Variants in JAG1 observed in about 807,000 individuals in gnomAD.
JAG1 encodes the protein protein jagged-1.
In JAG1, 23 loss-of-function variants were observed where a neutral mutation model predicts 148.7. The observed-to-expected ratio is 0.15, with a 90% CI of 0.11 to 0.22. The LOEUF is 0.22. JAG1 is among the 10% of genes least tolerant of loss of function. JAG1 has a pLI of 1.00. For missense variants in JAG1, 1,054 were observed against 1,611.2 expected (o/e 0.65, Z 5.92); for synonymous variants, 572 against 598.3 (o/e 0.96, Z 0.64).
At position 10,645,678 on chromosome 20, in the gene JAG1, GTGGGCCTC is replaced by G; in HGVS notation, c.2000-217_2000-210del. On this transcript the variant is annotated intron_variant, in intron 15 of 25. Coordinates refer to ENST00000254958, the MANE Select transcript of JAG1 (RefSeq NM_000214.3). The surrounding 1 kb of genome is among the most constrained non-coding windows in gnomAD (Gnocchi z 6.1). ...TGCCACAAGTTAGGCAAGATGTGGG[GTGGGCCTC>G]TGGAAGTCCCATGGAAATGAAAGTA... The G allele has an allele frequency of 1.6e-6, 1 of 631,832 alleles. No homozygotes were observed. The highest frequency in any genetic ancestry group is 2.8e-6 in the Non-Finnish European group (1 of 357,382). 39.1% of individuals were successfully genotyped at this position (631,832 alleles called of 1,614,324 possible). A position where few individuals can be genotyped will look rare whatever the true frequency, so the allele number is the denominator to read the frequency against.
chr20:10,647,279 G>A, intron 13 of JAG1, 176 bp from the exon 14 acceptor site: 1 of 694,552 alleles, frequency 1.4e-6, no homozygotes, highest in South Asian at 1.6e-5. Context: ...GACAGGCAAA[G>A]TTGAGACTCC....
chr20:10,656,498 T>C (rs1232728759), intron 4 of JAG1, 40 bp from the exon 5 acceptor site: 1 of 1,564,784 alleles, frequency 6.4e-7, no homozygotes, highest in South Asian at 1.1e-5. Flanking sequence ...ACACTGCCTG[T>C]TCCTTGCATC....
rs542746078 is a variant in JAG1 at position 10,645,783 on chromosome 20, C to G, written c.1999+188G>C. On this transcript the variant is annotated intron_variant, in intron 15 of 25. Transcript: ENST00000254958. The surrounding 1 kb of genome is among the most constrained non-coding windows in gnomAD (Gnocchi z 6.1). ...ATTCTATAGGTCCTCAGCAGAAGCT[C>G]CTCCCCATAAGCTATCATCAGGACT... is the stretch of plus-strand genomic sequence containing the variant. The G allele has an allele frequency of 3.0e-5, 19 of 637,264 alleles. No individual in the cohort carries two copies. In the Admixed American group the frequency reaches 4.7e-4, roughly 16 times the overall value. The allele number at this position is 637,264 out of a possible 1,614,324, so 39.5% of individuals were successfully genotyped here. A position where few individuals can be genotyped will look rare whatever the true frequency, so the allele number is the denominator to read the frequency against.
intron 2 of JAG1, among the ~76,000 whole-genome samples, chr20:10,668,446 G>A (rs909283952): frequency 6.6e-6 from 1 of 152,234 alleles, no homozygotes; most frequent in African/African-American, 2.4e-5. Context: ...TACCATGGAA[G>A]AATTTGCAGG....
rs2067258697 is a variant in JAG1, at chr20:10,639,936, C to T, written c.3219G>A (p.Leu1073=). 1 of 1,613,998 alleles carries T rather than the reference C, an allele frequency of 6.2e-7. No individual in the cohort carries two copies. The highest frequency in any genetic ancestry group is 1.3e-5 in the African/African-American group (1 of 74,916). ...TCCAAGCCACAGTTAAGACAGAGCT[C>T]AGCAAGGGAACAAGGAAATCTGTAA... ...KNRTDFLVPL[L]SSVLTVAWIC... Residue 1073 remains leucine (L), a synonymous_variant, in exon 26 of 26, where the codon CTG becomes CTA. Coordinates refer to ENST00000254958, the MANE Select transcript of JAG1 (RefSeq NM_000214.3).
intron 5 of JAG1, among the ~76,000 whole-genome samples, chr20:10,655,241 G>A (rs943570437): frequency 6.6e-6 from 1 of 152,210 alleles, no homozygotes; most frequent in Admixed American, 6.5e-5. Flanking sequence ...CTCTTTAAAG[G>A]AGTAGCCTCA....
rs925358988 is a variant in JAG1, at chr20:10,645,722, T to A, written c.1999+249A>T. 1 of 616,886 alleles carries A rather than the reference T, an allele frequency of 1.6e-6. No individual in the cohort carries two copies. The highest frequency in any genetic ancestry group is 1.8e-5 in the African/African-American group (1 of 54,210). 38.2% of individuals were successfully genotyped at this position (616,886 alleles called of 1,614,324 possible). ...ATGGAAATGAAAGTAGAAATATGAC[T>A]TTCCTTGCAAGCAGGAATATTTATT... On this transcript the variant is annotated intron_variant, in intron 15 of 25. Transcript: ENST00000254958. This position sits in a 1 kb window ranked among gnomAD's most constrained non-coding sequence, Gnocchi z 6.1.
At chr20:10,659,274 C>T (rs1429065334) in intron 3 of JAG1, among the ~76,000 whole-genome samples, 1 of 152,216 alleles carries the variant, frequency 6.6e-6, no homozygotes, top group Non-Finnish European at 1.5e-5. Flanking sequence ...TAAGTGATGG[C>T]AAGAGCCCTT....
At chr20:10,671,705 C>G (rs982195616) in intron 2 of JAG1, among the ~76,000 whole-genome samples, 1 of 152,218 alleles carries the variant, frequency 6.6e-6, no homozygotes, top group Non-Finnish European at 1.5e-5. Flanking sequence ...AGGAGCCAGG[C>G]AGAGGGCACA....
chr20:10,663,720 T>C (rs1359757539), intron 3 of JAG1, among the ~76,000 whole-genome samples: 1 of 152,180 alleles, frequency 6.6e-6, no homozygotes, highest in Non-Finnish European at 1.5e-5. Context: ...ATAATCTAGG[T>C]TTCATAATCA....
At chr20:10,669,615 G>A (rs1269094137) in intron 2 of JAG1, among the ~76,000 whole-genome samples, 1 of 126,050 alleles carries the variant, frequency 7.9e-6, no homozygotes, top group Non-Finnish European at 1.6e-5. Context: ...CTTTTAATAG[G>A]ATCAATGGAA....
chr20:10,656,508 C>T lies in JAG1; in HGVS notation c.695-50G>A, dbSNP rs773440389. 75 of 1,512,618 alleles carry T rather than the reference C, an allele frequency of 5.0e-5. No homozygotes were observed. In the Admixed American group the frequency reaches 1.0e-3, roughly 20 times the overall value. 93.7% of individuals were successfully genotyped at this position (1,512,618 alleles called of 1,614,324 possible). ...TCAGCACACTGCCTGTTCCTTGCAT[C>T]GCCCCGGTCATGAGAATGGCCCATT... On this transcript the variant is annotated intron_variant, in intron 4 of 25. Coordinates refer to ENST00000254958, the MANE Select transcript of JAG1 (RefSeq NM_000214.3).
chr20:10,652,740 G>C (rs377000896), intron 5 of JAG1, 142 bp from the exon 6 acceptor site: 1 of 785,808 alleles, frequency 1.3e-6, no homozygotes. Context: ...GCTCATCAGG[G>C]GCTCCGTATA....
intron 2 of JAG1, among the ~76,000 whole-genome samples, chr20:10,669,071 T>C (rs1302219169): frequency 1.3e-5 from 2 of 152,088 alleles, no homozygotes; most frequent in Admixed American, 1.3e-4. Context: ...AAAGATTCCA[T>C]TTTTGGAGCA....
rs1301248668 is a variant in JAG1, at chr20:10,673,411, G to A, written c.81+39C>T. 1.6e-5 allele frequency: 22 copies of A among 1,382,324 alleles called. No homozygotes were observed. The highest frequency in any genetic ancestry group is 3.1e-5 in the African/African-American group (2 of 65,520). 85.6% of individuals were successfully genotyped at this position (1,382,324 alleles called of 1,614,324 possible). On this transcript the variant is annotated intron_variant, in intron 1 of 25. Coordinates refer to ENST00000254958, the MANE Select transcript of JAG1 (RefSeq NM_000214.3). The surrounding 1 kb of genome is among the most constrained non-coding windows in gnomAD (Gnocchi z 4.7). ...GCCCAGGGCGCCGCGAGGGGAGGGAGAGGACGGCTGGGAGGGAGGCCCGGA... is the reference window on the plus strand; with the variant it reads ...GCCCAGGGCGCCGCGAGGGGAGGGAAAGGACGGCTGGGAGGGAGGCCCGGA...
At chr20:10,662,299 C>A (rs1162168157) in intron 3 of JAG1, 1 of 152,174 alleles carries the variant, frequency 6.6e-6, no homozygotes, top group African/African-American at 2.4e-5. Context: ...ATGCAGACAA[C>A]TGTGGGTAGC....
intron 10 of JAG1, 69 bp from the exon 11 acceptor site, chr20:10,649,176 T>C: frequency 9.6e-7 from 1 of 1,046,534 alleles, no homozygotes; most frequent in South Asian, 1.3e-5. Flanking sequence ...TTGAAAAGCC[T>C]TCTCAGCTCA....
rs771839716 is a variant in JAG1, at chr20:10,650,257, C to A, written c.1224G>T (p.Thr408=). The A allele has an allele frequency of 1.2e-6, 2 of 1,610,332 alleles. No individual in the cohort carries two copies. The highest frequency in any genetic ancestry group is 1.7e-6 in the Non-Finnish European group (2 of 1,176,648). The part of the protein sequence containing the change: ...CVCPPQWTGK[T]CQLDANECEA... ...CAGGGATGTTCTTACCTAACTGGCA[C>A]GTTTTCCCAGTCCACTGTGGGGGGC... The change falls in exon 9 of 26, where the codon ACG becomes ACT. Residue 408 remains threonine (T), a synonymous_variant. Coordinates refer to ENST00000254958, the MANE Select transcript of JAG1 (RefSeq NM_000214.3).
At position 10,640,911 on chromosome 20, in the gene JAG1, T is replaced by G; in HGVS notation, c.3071A>C (p.Asp1024Ala). The change falls in exon 25 of 26, where the codon GAT becomes GCT. Residue 1024 changes from aspartate to alanine, a missense_variant. Transcript: ENST00000254958. ...AGTGATTTCCTTGATCGGGTTCCCA[T>G]CATCCCGTATATCTTCAGCAGACTG... ...VAISAEDIRD[D>A]GNPIKEITDK... 6.2e-7 allele frequency: 1 copy of G among 1,614,172 alleles called. No homozygotes were observed. Among genetic ancestry groups the G allele is most frequent in the Non-Finnish European group, 8.5e-7 (1 of 1,180,018 alleles).
Sources: allele counts gnomAD v4.1 joint callset (sites outside exome capture counted in the v4.1 genomes callset), GRCh38; gene constraint gnomAD v4.1.1; non-coding constraint Gnocchi (gnomAD v3.1); transcripts MANE v1.5; gene names NCBI Gene and HGNC (gene_info 2026-07-23, HGNC 2026-07-21).